SPATA21: variants seen among roughly 807,000 people sequenced by gnomAD.
SPATA21 encodes the protein spermatogenesis-associated protein 21.
SPATA21 carries 47 observed loss-of-function variants against 54.8 expected under a neutral mutation model. The observed-to-expected ratio is 0.86, with a 90% CI of 0.68 to 1.09. SPATA21 has a LOEUF of 1.09. Among genes scored for constraint, SPATA21 ranks in the 50% least tolerant of loss-of-function variants. The pLI is 0.00. For synonymous variants in SPATA21, 245 were observed against 235.3 expected (o/e 1.04, Z -0.38); for missense variants, 599 against 596.4 (o/e 1.00, Z -0.05).
chr1:16,408,294 G>T (rs1462649033), intron 7 of SPATA21, among the ~76,000 whole-genome samples: 5 of 152,146 alleles, frequency 3.3e-5, no homozygotes, highest in African/African-American at 1.2e-4. Flanking sequence ...AGAGAGCAGG[G>T]TAGGTGTTCA....
chr1:16,420,798 G>T (rs987802307), intron 5 of SPATA21, among the ~76,000 whole-genome samples: 1 of 152,000 alleles, frequency 6.6e-6, no homozygotes, highest in Non-Finnish European at 1.5e-5. Context: ...TGAGGGGCGT[G>T]GGGGATGCTG....
At chr1:16,416,960 A>G (rs1293514710) in intron 5 of SPATA21, among the ~76,000 whole-genome samples, 4 of 152,038 alleles carry the variant, frequency 2.6e-5, no homozygotes, top group African/African-American at 9.7e-5. Flanking sequence ...CTAGGCTTCT[A>G]TTGTCCTTTG....
In SPATA21 at chr1:16,409,095, C is replaced by T. The variant is rs753913397; in HGVS notation, c.673+23G>A. On this transcript the variant is annotated intron_variant, in intron 7 of 12. Transcript: ENST00000335496. The surrounding 1 kb of genome is among the most constrained non-coding windows in gnomAD (Gnocchi z 4.1). ...CCAAGGGTCCTGCCTGTGCTGGGACCTCCCTGACCTCCCTGCCCTCACCTT... is the reference window on the plus strand; with the variant it reads ...CCAAGGGTCCTGCCTGTGCTGGGACTTCCCTGACCTCCCTGCCCTCACCTT... 1.2e-6 allele frequency: 2 copies of T among 1,612,930 alleles called. No homozygotes were observed. Among genetic ancestry groups the T allele is most frequent in the Non-Finnish European group, 1.7e-6 (2 of 1,178,996 alleles).
chr1:16,425,408 A>C, intron 3 of SPATA21: 1 of 1,193,564 alleles, frequency 8.4e-7, no homozygotes, highest in South Asian at 1.5e-5. Context: ...CAGCCTCCCA[A>C]GTAGCTGGGA....
intron 8 of SPATA21, 51 bp downstream of exon 8, chr1:16,404,916 C>T (rs757316099): frequency 1.3e-6 from 2 of 1,508,364 alleles, no homozygotes; most frequent in Non-Finnish European, 1.8e-6. Flanking sequence ...GGTTTCAAGC[C>T]AGTGAAGCAG....
chr1:16,420,200 C>T (rs771275003), intron 5 of SPATA21, among the ~76,000 whole-genome samples: 3 of 151,964 alleles, frequency 2.0e-5, no homozygotes, highest in South Asian at 2.1e-4. Context: ...TCTGCTGTTG[C>T]GAGGTGGGCT....
chr1:16,397,960 G>A (rs2085340724), downstream of SPATA21: 1 of 634,670 alleles, frequency 1.6e-6, no homozygotes, highest in Non-Finnish European at 2.0e-6. This position sits in a 1 kb window ranked among gnomAD's most constrained non-coding sequence, Gnocchi z 5.4. Context: ...GATCCCAGGG[G>A]TGCACATGGG....
At chr1:16,430,665 C>T (rs541534957) in intron 3 of SPATA21, among the ~76,000 whole-genome samples, 3 of 152,246 alleles carry the variant, frequency 2.0e-5, no homozygotes, top group South Asian at 2.1e-4. Context: ...CAGCTCTTTC[C>T]GTTACAGAAG....
At chr1:16,404,280 G>C (rs891555415) in intron 8 of SPATA21, among the ~76,000 whole-genome samples, 1 of 152,076 alleles carries the variant, frequency 6.6e-6, no homozygotes, top group Non-Finnish European at 1.5e-5. Flanking sequence ...GACCTACATG[G>C]CCAACATGGT....
At chr1:16,405,344 A>T (rs1029875233) in intron 7 of SPATA21, among the ~76,000 whole-genome samples, 1 of 152,018 alleles carries the variant, frequency 6.6e-6, no homozygotes, top group Admixed American at 6.6e-5. Context: ...TCTACTAAAG[A>T]TACAAAACTT....
chr1:16,398,718 C>T lies in SPATA21; in HGVS notation c.*47G>A. ...CAGCAGCTCCTGCCTGGTGGCCCAT[C>T]TGTCTACAGGCCTTGAGCAGCTGCC... is the stretch of plus-strand genomic sequence containing the variant. On this transcript the variant is annotated 3_prime_UTR_variant, in exon 13 of 13. Transcript: ENST00000335496. The T allele has an allele frequency of 6.2e-7, 1 of 1,607,586 alleles. No homozygotes were observed. The highest frequency in any genetic ancestry group is 8.5e-7 in the Non-Finnish European group (1 of 1,174,206).
At chr1:16,405,657 T>C (rs1199207300) in intron 7 of SPATA21, among the ~76,000 whole-genome samples, 1 of 152,060 alleles carries the variant, frequency 6.6e-6, no homozygotes, top group Non-Finnish European at 1.5e-5. Context: ...TAAGACCCTC[T>C]ATTGACTCCA....
intron 8 of SPATA21, among the ~76,000 whole-genome samples, chr1:16,404,564 C>A (rs1330975894): frequency 6.6e-6 from 1 of 152,180 alleles, no homozygotes; most frequent in Non-Finnish European, 1.5e-5. Flanking sequence ...CGCCTGTGAT[C>A]CCAGCACTTT....
At position 16,428,053 on chromosome 1, in the gene SPATA21, G is replaced by C. The variant is rs1237125673; in HGVS notation, c.34+3285C>G. 2 of 1,530,540 alleles carry C rather than the reference G, an allele frequency of 1.3e-6. No homozygotes were observed. The highest frequency in any genetic ancestry group is 1.8e-6 in the Non-Finnish European group (2 of 1,131,786). 94.8% of individuals were successfully genotyped at this position (1,530,540 alleles called of 1,614,324 possible). Reference sequence around the variant, plus strand: ...ATCCATGGCAGTGGCTTGAGGGCTGGCATTGAGTACCCGTTCTGGAGTGAT... The same window carrying C: ...ATCCATGGCAGTGGCTTGAGGGCTGCCATTGAGTACCCGTTCTGGAGTGAT... On this transcript the variant is annotated intron_variant, in intron 3 of 12. Transcript: ENST00000335496. This position sits in a 1 kb window ranked among gnomAD's most constrained non-coding sequence, Gnocchi z 4.3.
chr1:16,403,156 T>A (rs2085506795), intron 10 of SPATA21, among the ~76,000 whole-genome samples: 1 of 152,170 alleles, frequency 6.6e-6, no homozygotes, highest in Non-Finnish European at 1.5e-5. Flanking sequence ...CCACCTGCCC[T>A]GGAGACACGT....
chr1:16,406,365 GATAGGGCC>G (rs1028160870), intron 7 of SPATA21, among the ~76,000 whole-genome samples: 3 of 152,006 alleles, frequency 2.0e-5, no homozygotes, highest in Non-Finnish European at 4.4e-5. Flanking sequence ...TGTGTTTGAA[GATAGGGCC>G]TTTAAAGAGG....
intron 5 of SPATA21, among the ~76,000 whole-genome samples, chr1:16,414,362 C>A (rs1343340014): frequency 2.0e-5 from 3 of 152,144 alleles, no homozygotes; most frequent in Non-Finnish European, 2.9e-5. Flanking sequence ...AGCCACCGCA[C>A]CCAGCCTAAA....
At position 16,409,335 on chromosome 1, in the gene SPATA21, T is replaced by C; in HGVS notation, c.588-132A>G. The C allele has an allele frequency of 1.0e-6, 1 of 989,988 alleles. No individual in the cohort carries two copies. The highest frequency in any genetic ancestry group is 1.5e-6 in the Non-Finnish European group (1 of 667,818). 61.3% of individuals were successfully genotyped at this position (989,988 alleles called of 1,614,324 possible). On this transcript the variant is annotated intron_variant, in intron 6 of 12. Coordinates refer to ENST00000335496, the MANE Select transcript of SPATA21 (RefSeq NM_198546.1). This position sits in a 1 kb window ranked among gnomAD's most constrained non-coding sequence, Gnocchi z 4.1. ...TTGGGGAGCCCGGAGAGATCAAGAA[T>C]GGCAGGAAAAAGGAGATCCAGAGGA...
At chr1:16,429,550 C>A (rs1473361958) in intron 3 of SPATA21, among the ~76,000 whole-genome samples, 2 of 152,102 alleles carry the variant, frequency 1.3e-5, no homozygotes, top group Admixed American at 6.5e-5. Context: ...TCTCCGCTCA[C>A]CGCAACCTCC....
Sources: allele counts gnomAD v4.1 joint callset (sites outside exome capture counted in the v4.1 genomes callset), GRCh38; gene constraint gnomAD v4.1.1; non-coding constraint Gnocchi (gnomAD v3.1); transcripts MANE v1.5; gene names NCBI Gene and HGNC (gene_info 2026-07-23, HGNC 2026-07-21).